CTNNA2: variants seen among roughly 807,000 people sequenced by gnomAD.
CTNNA2 encodes the protein catenin alpha 2.
Under a neutral mutation model 101.0 loss-of-function variants are expected in CTNNA2, and 42 were observed. That is an observed-to-expected ratio of 0.42 (90% CI 0.32 to 0.54). The LOEUF is 0.54. Ranked by LOEUF, CTNNA2 falls within the 20% of genes least tolerant of loss-of-function variation. The pLI is 0.14. For missense variants in CTNNA2, 871 were observed against 1,223.1 expected (o/e 0.71, Z 4.29); for synonymous variants, 450 against 456.4 (o/e 0.99, Z 0.18).
chr2:79,516,876 CGTT>C (rs1671836352), intron 1 of CTNNA2, among the ~76,000 whole-genome samples: 1 of 152,276 alleles, frequency 6.6e-6, no homozygotes, highest in Admixed American at 6.5e-5. Context: ...GACTATATCT[CGTT>C]GTATAATAAC....
At chr2:80,101,833 G>C (rs1203215015) in intron 7 of CTNNA2, among the ~76,000 whole-genome samples, 1 of 152,134 alleles carries the variant, frequency 6.6e-6, no homozygotes, top group East Asian at 1.9e-4. Flanking sequence ...AGATTCCCAA[G>C]GGTGTAGAAA....
chr2:79,913,991 C>A (rs897680219), intron 7 of CTNNA2, among the ~76,000 whole-genome samples: 24 of 151,666 alleles, frequency 1.6e-4, no homozygotes, highest in African/African-American at 5.1e-4. Flanking sequence ...AACGGTGAAA[C>A]CCCGTCTCTA....
At chr2:79,755,857 C>CA (rs1672362573) in intron 3 of CTNNA2, among the ~76,000 whole-genome samples, 2 of 151,748 alleles carry the variant, frequency 1.3e-5, no homozygotes, top group Non-Finnish European at 2.9e-5. Context: ...TAAAAAATAC[C>CA]AAAAAACCTA....
At chr2:80,048,511 G>T (rs1696672127) in intron 7 of CTNNA2, among the ~76,000 whole-genome samples, 1 of 152,106 alleles carries the variant, frequency 6.6e-6, no homozygotes, top group Admixed American at 6.5e-5. Flanking sequence ...TAATTCTCAG[G>T]TACACTTGGT....
rs111941245 is a variant in CTNNA2 at position 79,340,850 on chromosome 2, A to G, written c.-318+28054A>G. Among the ~76,000 whole-genome samples, 734 of 147,062 alleles carry G rather than the reference A, an allele frequency of 5.0e-3. 6 individuals carry two copies. The highest frequency in any genetic ancestry group is 0.017 in the African/African-American group (663 of 39,452). ...CTCAGTCTCAAAAAAAAAAAAAAAA[A>G]AAAAGAAAAGAAAAAAGAAACACAT... is the stretch of plus-strand genomic sequence containing the variant. On this transcript the variant is annotated intron_variant, in intron 3 of 21. Transcript: ENST00000466387.
chr2:80,320,225 A>G (rs1319821780), intron 7 of CTNNA2, among the ~76,000 whole-genome samples: 1 of 152,242 alleles, frequency 6.6e-6, no homozygotes, highest in African/African-American at 2.4e-5. Flanking sequence ...TCACAGGTAC[A>G]TTCTGCAGCT....
chr2:79,935,271 C>G (rs780247390), intron 7 of CTNNA2, among the ~76,000 whole-genome samples: 2 of 151,824 alleles, frequency 1.3e-5, no homozygotes, highest in Non-Finnish European at 2.9e-5. Context: ...AAATTAAATG[C>G]CTTGTCCAAA....
At chr2:79,716,208 A>T (rs970159805) in intron 2 of CTNNA2, among the ~76,000 whole-genome samples, 11 of 152,028 alleles carry the variant, frequency 7.2e-5, no homozygotes, top group Admixed American at 3.9e-4. Context: ...ACTTTTAAAA[A>T]TTTTTTTGCC....
At chr2:80,519,905 A>G (rs1225386628) in intron 9 of CTNNA2, among the ~76,000 whole-genome samples, 1 of 152,150 alleles carries the variant, frequency 6.6e-6, no homozygotes, top group Non-Finnish European at 1.5e-5. Context: ...CATCCTCTGG[A>G]ACAACATGCA....
intron 7 of CTNNA2, among the ~76,000 whole-genome samples, chr2:80,347,095 C>A (rs1167030380): frequency 1.3e-5 from 2 of 152,108 alleles, no homozygotes; most frequent in East Asian, 3.9e-4. Flanking sequence ...ATATTTCCTG[C>A]TAGAGATAAA....
chr2:79,476,375 T>TTC lies in CTNNA2; in HGVS notation c.-134-28679_-134-28678insTC, dbSNP rs1558676591. ...TCCTGAGCATCCAAGAGAACTGGGCTGAAGGGAGCCCAGATTGCAGCCTGG... is the reference window on the plus strand; with the variant it reads ...TCCTGAGCATCCAAGAGAACTGGGCTTCGAAGGGAGCCCAGATTGCAGCCTGG... On this transcript the variant is annotated intron_variant, in intron 4 of 21. Transcript: ENST00000466387. Among the ~76,000 whole-genome samples the TTC allele has an allele frequency of 4.1e-3, 617 of 152,100 alleles. 4 individuals are homozygous for TTC. The highest frequency in any genetic ancestry group is 0.014 in the African/African-American group (571 of 41,476).
intron 15 of CTNNA2, among the ~76,000 whole-genome samples, chr2:80,590,761 CTTTTAAAT>C (rs1553401059): frequency 6.6e-6 from 1 of 152,026 alleles, no homozygotes; most frequent in Non-Finnish European, 1.5e-5. Flanking sequence ...CCCTTTGAGA[CTTTTAAAT>C]GTCATTGTAT....
At chr2:79,338,244 T>G (rs866219464) in intron 3 of CTNNA2, among the ~76,000 whole-genome samples, 1 of 14,570 alleles carries the variant, frequency 6.9e-5, no homozygotes. Context: ...AGACTCCATC[T>G]CAAAAAAAAA....
upstream of CTNNA2, chr2:79,512,902 A>G (rs1009504302): frequency 6.9e-6 from 1 of 145,772 alleles, no homozygotes; most frequent in Admixed American, 6.8e-5. Flanking sequence ...GCGAGCGAGC[A>G]AGCGGCCGCG....
chr2:79,476,871 T>C (rs1007260286), intron 4 of CTNNA2, among the ~76,000 whole-genome samples: 2 of 152,168 alleles, frequency 1.3e-5, no homozygotes, highest in African/African-American at 4.8e-5. Context: ...AGAAGACAGG[T>C]GGGAAATTTC....
intron 3 of CTNNA2, among the ~76,000 whole-genome samples, chr2:79,818,978 CT>C (rs763868991): frequency 0.22 from 28,818 of 131,374 alleles, 3,046 homozygotes; most frequent in East Asian, 0.29. Context: ...TATTCTTTTT[CT>C]TTTTTTTTTT....
At chr2:79,477,578 A>G (rs537009774) in intron 4 of CTNNA2, among the ~76,000 whole-genome samples, 35 of 152,280 alleles carry the variant, frequency 2.3e-4, no homozygotes, top group Non-Finnish European at 3.4e-4. Context: ...TGTTTTTAAA[A>G]CATGTTCTGC....
chr2:80,435,607 C>T lies in CTNNA2; in HGVS notation c.1290+16006C>T, dbSNP rs145081362. The stretch of plus-strand genomic sequence containing the variant: ...AGCCTCTAATGAAAGAGGACAGGAA[C>T]AGGTAGGTAGAGAATATGCTGGAGA... On this transcript the variant is annotated intron_variant, in intron 9 of 18. Transcript: ENST00000402739. 7.9e-5 allele frequency among the ~76,000 whole-genome samples: 12 copies of T among 152,254 alleles called. 1 individual carries two copies. The East Asian group carries it at 1.9e-3, about 25-fold the overall frequency.
chr2:79,790,663 A>C (rs1415542009), intron 3 of CTNNA2, among the ~76,000 whole-genome samples: 1 of 152,160 alleles, frequency 6.6e-6, no homozygotes, highest in African/African-American at 2.4e-5. Flanking sequence ...GACCAGGTAA[A>C]TTGTAAGTAG....
Sources: gnomAD v4.1 joint callset for allele counts (sites outside exome capture counted in the v4.1 genomes callset) on GRCh38, gnomAD v4.1.1 for gene constraint, MANE v1.5 for transcripts, NCBI Gene and HGNC (gene_info 2026-07-23, HGNC 2026-07-21) for gene names.